The following PCDHGC5 variants were observed in gnomAD, a reference collection of about 807,000 sequenced individuals.
The protein encoded by PCDHGC5 is protocadherin gamma-C5.
PCDHGC5 carries 25 observed loss-of-function variants against 59.0 expected under a neutral mutation model. The ratio of observed to expected loss-of-function variants is 0.42; its 90% CI spans 0.31 to 0.59. The LOEUF (loss-of-function observed/expected upper bound fraction) is 0.59. Among genes scored for constraint, PCDHGC5 ranks in the 20% least tolerant of loss-of-function variants. The pLI, the probability that PCDHGC5 is intolerant of heterozygous loss-of-function variation, is 0.13. For missense variants in PCDHGC5, 1,067 were observed against 1,206.4 expected (o/e 0.88, Z 1.71); for synonymous variants, 434 against 505.5 (o/e 0.86, Z 1.90).
intron 2 of PCDHGC5, among the ~76,000 whole-genome samples, chr5:141,502,358 TA>T (rs1283802909): frequency 6.6e-6 from 1 of 152,134 alleles, no homozygotes; most frequent in African/African-American, 2.4e-5. Context: ...ATGACATGGA[TA>T]TTTTTAAAGA....
Position 141,489,948 on chromosome 5 carries a change from T to G in PCDHGC5, c.708T>G (p.Asn236Lys). The G allele has an allele frequency of 6.2e-7, 1 of 1,614,210 alleles. No homozygotes were observed. Among genetic ancestry groups the G allele is most frequent in the Non-Finnish European group, 8.5e-7 (1 of 1,180,030 alleles). ...TLISVIVLDI[N>K]DNAPTFQSSV... ...TCTCTGTCATCGTGCTGGACATCAA[T>G]GATAATGCTCCAACCTTCCAATCCT... The change falls in exon 1 of 4, where the codon AAT (asparagine) becomes AAG (lysine). Residue 236 changes from asparagine to lysine, a missense_variant. Physicochemically the swap from Asn to Lys is moderately conservative, Grantham distance 94 (BLOSUM62 0). Transcript: ENST00000252087. The surrounding 1 kb of genome is among the most constrained non-coding windows in gnomAD (Gnocchi z 4.5).
rs1163353349 is a variant in PCDHGC5, at chr5:141,489,426, G to C, written c.186G>C (p.Arg62=). 6.2e-7 allele frequency: 1 copy of C among 1,614,012 alleles called. No homozygotes were observed. The highest frequency in any genetic ancestry group is 1.3e-5 in the African/African-American group (1 of 74,922). ...TAAAGATGACAGATCTGTTGAGCCGGCGGCTGCAATTGGGCTCTGAGGAGA... is the reference window on the plus strand; with the variant it reads ...TAAAGATGACAGATCTGTTGAGCCGCCGGCTGCAATTGGGCTCTGAGGAGA... ...LGLKMTDLLS[R]RLQLGSEENG... is the part of the protein sequence containing the mutation. Residue 62 remains arginine (R), a synonymous_variant, in exon 1 of 4, where the codon CGG becomes CGC. Transcript: ENST00000252087. The surrounding 1 kb of genome is among the most constrained non-coding windows in gnomAD (Gnocchi z 4.5).
intron 2 of PCDHGC5, among the ~76,000 whole-genome samples, chr5:141,503,275 C>T (rs1466636672): frequency 1.3e-5 from 2 of 152,108 alleles, no homozygotes; most frequent in Non-Finnish European, 2.9e-5. Context: ...GCACCTGGCT[C>T]TGTGTCTGGT....
rs769514553 is a variant in PCDHGC5, at chr5:141,490,072, G to T, written c.832G>T (p.Asp278Tyr). Residue 278 changes from aspartate (D) to tyrosine (Y), a missense_variant, in exon 1 of 4, where the codon GAC becomes TAC. Transcript: ENST00000252087. The surrounding 1 kb of genome is among the most constrained non-coding windows in gnomAD (Gnocchi z 5.4). Reference sequence around the variant, plus strand: ...AGACGAGGGCACCAACGGCCAACTAGACTATTCTTTTGGAGACCACACATC... The same window carrying T: ...AGACGAGGGCACCAACGGCCAACTATACTATTCTTTTGGAGACCACACATC... Reference protein sequence around the residue: ...DPDEGTNGQLDYSFGDHTSEA... With the variant: ...DPDEGTNGQLYYSFGDHTSEA... 2 of 1,614,254 alleles carry T rather than the reference G, an allele frequency of 1.2e-6. No homozygotes were observed. Among genetic ancestry groups the T allele is most frequent in the South Asian group, 2.2e-5 (2 of 91,090 alleles).
intron 2 of PCDHGC5, among the ~76,000 whole-genome samples, chr5:141,499,352 CA>C (rs2099791418): frequency 6.6e-6 from 1 of 152,058 alleles, no homozygotes; most frequent in South Asian, 2.1e-4. Context: ...AGTCATTCAA[CA>C]AACAAATAGC....
Position 141,490,876 on chromosome 5 carries a change from G to T in PCDHGC5, c.1636G>T (p.Ala546Ser). The change falls in exon 1 of 4, where the codon GCC (alanine) becomes TCC (serine). Residue 546 changes from alanine to serine, a missense_variant. By Grantham distance (99) the Ala-to-Ser change is moderately conservative. Coordinates refer to ENST00000252087, the MANE Select transcript of PCDHGC5 (RefSeq NM_018929.3). The surrounding 1 kb of genome is among the most constrained non-coding windows in gnomAD (Gnocchi z 5.4). ...VRDSGSPPLH[A>S]NTSLHVFVLD... Reference sequence around the variant, plus strand: ...AGACTCCGGCTCTCCCCCATTGCATGCCAACACATCTCTGCATGTGTTTGT... The same window carrying T: ...AGACTCCGGCTCTCCCCCATTGCATTCCAACACATCTCTGCATGTGTTTGT... 6.2e-7 allele frequency: 1 copy of T among 1,613,840 alleles called. No homozygotes were observed. The highest frequency in any genetic ancestry group is 8.5e-7 in the Non-Finnish European group (1 of 1,179,894).
In PCDHGC5 at chr5:141,489,098, T is replaced by C; in HGVS notation, c.-143T>C. 1 of 293,346 alleles carries C rather than the reference T, an allele frequency of 3.4e-6. No homozygotes were observed. The highest frequency in any genetic ancestry group is 5.5e-5 in the South Asian group (1 of 18,124). The allele number at this position is 293,346 out of a possible 1,614,324, so 18.2% of individuals were successfully genotyped here. A position where few individuals can be genotyped will look rare whatever the true frequency, so the allele number is the denominator to read the frequency against. ...CCCCCGCCACTCGGTGACTAAGAAC[T>C]GCTGCAAGCAGGCAAACCTCCGAGC... On this transcript the variant is annotated 5_prime_UTR_variant, in exon 1 of 4. Transcript: ENST00000252087. The surrounding 1 kb of genome is among the most constrained non-coding windows in gnomAD (Gnocchi z 4.5).
chr5:141,496,192 C>T (rs942276204), intron 2 of PCDHGC5, among the ~76,000 whole-genome samples: 1 of 152,098 alleles, frequency 6.6e-6, no homozygotes, highest in Non-Finnish European at 1.5e-5. Flanking sequence ...CCCAGCTGCT[C>T]ATTTCAATCT....
At position 141,510,979 on chromosome 5, in the gene PCDHGC5, G is replaced by T; in HGVS notation, c.2641G>T (p.Gly881Cys). 3.7e-6 allele frequency: 6 copies of T among 1,614,156 alleles called. No individual in the cohort carries two copies. Among genetic ancestry groups the T allele is most frequent in the Non-Finnish European group, 4.2e-6 (5 of 1,180,018 alleles). Residue 881 changes from glycine to cysteine, a missense_variant, in exon 4 of 4, where the codon GGT becomes TGT. Gly to Cys is a radical substitution (Grantham distance 159). Coordinates refer to ENST00000252087, the MANE Select transcript of PCDHGC5 (RefSeq NM_018929.3). ...TGATGGGAGCTCCACCCTGGGAGGGGGTGCCGGCACCATGGGATTGAGCGC... is the reference window on the plus strand; with the variant it reads ...TGATGGGAGCTCCACCCTGGGAGGGTGTGCCGGCACCATGGGATTGAGCGC... Reference protein sequence around the residue: ...AADGSSTLGGGAGTMGLSARY... With the variant: ...AADGSSTLGGCAGTMGLSARY...
chr5:141,492,023 C>A, intron 1 of PCDHGC5: 1 of 564,804 alleles, frequency 1.8e-6, no homozygotes, highest in Non-Finnish European at 3.0e-6. Context: ...TCGGGGGTCC[C>A]GGGAGGAGGC....
chr5:141,502,373 C>A (rs2099813965), intron 2 of PCDHGC5, among the ~76,000 whole-genome samples: 1 of 151,806 alleles, frequency 6.6e-6, no homozygotes, highest in African/African-American at 2.4e-5. Context: ...TTAAAGAGTC[C>A]AGGCCAGTTG....
At position 141,494,758 on chromosome 5, in the gene PCDHGC5, T is replaced by C. The variant is rs370692038; in HGVS notation, c.2461-49T>C. ...CCATCCCTAGGGGCTCGGGTGACAT[T>C]CTAACTTCTCACGGGTACTCAGCCC... On this transcript the variant is annotated intron_variant, in intron 1 of 3. Transcript: ENST00000252087. The C allele has an allele frequency of 1.3e-5, 21 of 1,613,682 alleles. No homozygotes were observed. The African/African-American group carries it at 2.7e-4, about 21-fold the overall frequency.
intron 1 of PCDHGC5, among the ~76,000 whole-genome samples, chr5:141,492,808 A>C (rs1261752522): frequency 6.6e-6 from 1 of 152,252 alleles, no homozygotes; most frequent in African/African-American, 2.4e-5. Flanking sequence ...CTGGGACTCC[A>C]GTGGCACCAG....
At position 141,490,632 on chromosome 5, in the gene PCDHGC5, A is replaced by C; in HGVS notation, c.1392A>C (p.Leu464=). Reference sequence around the variant, plus strand: ...AGCAGCTTTACACTGCTTACATCCTAGAAAACCGGCCTCCGGGCTCCCTTC... The same window carrying C: ...AGCAGCTTTACACTGCTTACATCCTCGAAAACCGGCCTCCGGGCTCCCTTC... The part of the protein sequence containing the change: ...FNQQLYTAYI[L]ENRPPGSLLC... Residue 464 remains leucine, a synonymous_variant, in exon 1 of 4, where the codon CTA becomes CTC. Transcript: ENST00000252087. This position sits in a 1 kb window ranked among gnomAD's most constrained non-coding sequence, Gnocchi z 5.4. The C allele has an allele frequency of 1.2e-6, 2 of 1,614,196 alleles. No individual in the cohort carries two copies. Among genetic ancestry groups the C allele is most frequent in the South Asian group, 1.1e-5 (1 of 91,088 alleles).
At chr5:141,501,103 G>A (rs1449600108) in intron 2 of PCDHGC5, among the ~76,000 whole-genome samples, 9 of 152,078 alleles carry the variant, frequency 5.9e-5, no homozygotes, top group African/African-American at 1.4e-4. Context: ...TCTTGACCTC[G>A]TGATCCGCCT....
chr5:141,506,935 G>A (rs1375246477), intron 3 of PCDHGC5, among the ~76,000 whole-genome samples: 3 of 152,116 alleles, frequency 2.0e-5, no homozygotes, highest in African/African-American at 7.2e-5. Context: ...AACTTTAGGG[G>A]CCTCCTGTCA....
chr5:141,510,919 C>T (rs748157000), intron 3 of PCDHGC5, 28 bp from the exon 4 acceptor site: 1 of 1,613,894 alleles, frequency 6.2e-7, no homozygotes, highest in East Asian at 2.2e-5. Context: ...AAGTTTAGCT[C>T]CCACCTGATC....
chr5:141,510,798 A>G, intron 3 of PCDHGC5, 149 bp from the exon 4 acceptor site: 1 of 1,474,326 alleles, frequency 6.8e-7, no homozygotes, highest in South Asian at 1.3e-5. Context: ...GTGAAGAGAG[A>G]CTACCTTGGT....
intron 2 of PCDHGC5, among the ~76,000 whole-genome samples, chr5:141,497,543 T>C (rs896069181): frequency 4.7e-5 from 7 of 149,068 alleles, no homozygotes; most frequent in Non-Finnish European, 9.0e-5. Context: ...AACAAACCTT[T>C]TTTTTTTTTT....
Sources: allele counts gnomAD v4.1 joint callset (sites outside exome capture counted in the v4.1 genomes callset), GRCh38; gene constraint gnomAD v4.1.1; non-coding constraint Gnocchi (gnomAD v3.1); transcripts MANE v1.5; gene names NCBI Gene and HGNC (gene_info 2026-07-23, HGNC 2026-07-21).